The following MOB3A variants were observed in gnomAD, a reference collection of about 807,000 sequenced individuals.
MOB3A encodes the protein MOB LAK.
A neutral mutation model predicts 17.8 loss-of-function variants in MOB3A; 17 were observed. The ratio of observed to expected loss-of-function variants is 0.95; its 90% CI spans 0.65 to 1.43. The LOEUF (loss-of-function observed/expected upper bound fraction) is 1.43, where lower values mean the gene tolerates loss of function less well. MOB3A is among the 40% of genes most tolerant of loss of function. MOB3A has a pLI of 0.00. For missense variants in MOB3A, 333 were observed against 310.8 expected, an observed-to-expected ratio of 1.07 and a Z score of -0.54; for synonymous variants, 124 against 133.2, an observed-to-expected ratio of 0.93 and a Z score of 0.48.
rs926689336 is a variant in MOB3A, at chr19:2,082,807, C to G, written c.-120+2368G>C. ...CCCAGGGTCACCACACAGGTCCCCC[C>G]GCTTGCTTCTCTTCCATTTTTAGAG... On this transcript the variant is annotated intron_variant, in intron 2 of 4. Transcript: ENST00000357066. This position sits in a 1 kb window ranked among gnomAD's most constrained non-coding sequence, Gnocchi z 4.1. 1.3e-5 allele frequency among the ~76,000 whole-genome samples: 2 copies of G among 152,072 alleles called. No homozygotes were observed. The highest frequency in any genetic ancestry group is 2.9e-5 in the Non-Finnish European group (2 of 68,018).
intron 2 of MOB3A, among the ~76,000 whole-genome samples, chr19:2,080,693 G>A (rs777134160): frequency 1.3e-5 from 2 of 152,100 alleles, no homozygotes; most frequent in Non-Finnish European, 2.9e-5. Context: ...TGTTGCTTGT[G>A]ACGAAGTCCT....
chr19:2,086,401 C>T (rs1487833488), intron 1 of MOB3A, among the ~76,000 whole-genome samples: 1 of 151,976 alleles, frequency 6.6e-6, no homozygotes, highest in Non-Finnish European at 1.5e-5. Context: ...TGCTCTGTCA[C>T]CCAGGCTGGA....
chr19:2,079,486 G>A (rs1461747851), intron 2 of MOB3A, among the ~76,000 whole-genome samples: 4 of 152,236 alleles, frequency 2.6e-5, no homozygotes, highest in African/African-American at 4.8e-5. Flanking sequence ...GGAGACGGCT[G>A]TGCGAGGATG....
Position 2,085,193 on chromosome 19 carries a change from C to T in MOB3A, c.-138G>A, listed in dbSNP as rs915877307. The T allele has an allele frequency of 1.3e-5, 2 of 152,062 alleles. No homozygotes were observed. The highest frequency in any genetic ancestry group is 1.9e-4 in the East Asian group (1 of 5,182). The allele number at this position is 152,062 out of a possible 1,614,324, so 9.4% of individuals were successfully genotyped here. A position where few individuals can be genotyped will look rare whatever the true frequency, so the allele number is the denominator to read the frequency against. The stretch of plus-strand genomic sequence containing the variant: ...AGGTTACCGTGTCTGGGGCTCCCTC[C>T]GCTCTGCTCTTCTCGGATTCCTCCA... On this transcript the variant is annotated 5_prime_UTR_variant, in exon 2 of 5. Transcript: ENST00000357066.
At position 2,078,165 on chromosome 19, in the gene MOB3A, G is replaced by A. The variant is rs775283230; in HGVS notation, c.396C>T (p.Asn132=). The change falls in exon 3 of 5, where the codon AAC becomes AAT. Residue 132 remains asparagine (N), a synonymous_variant. Coordinates refer to ENST00000357066, the MANE Select transcript of MOB3A (RefSeq NM_130807.3). The part of the protein sequence containing the change: ...LMDWIEAQIN[N]EDLFPTNVGT... ...CAACGTTGGTGGGGAAGAGGTCCTC[G>A]TTGTTGATCTGCGCCTCGATCCAGT... 1.1e-5 allele frequency: 18 copies of A among 1,585,542 alleles called. No homozygotes were observed. The highest frequency in any genetic ancestry group is 2.3e-5 in the East Asian group (1 of 44,330).
At chr19:2,079,590 C>T (rs78853306) in intron 2 of MOB3A, among the ~76,000 whole-genome samples, 1,659 of 152,294 alleles carry the variant, frequency 0.011, 27 homozygotes, top group African/African-American at 0.038. Context: ...AGATGCCCCT[C>T]GGCCTCAGAG....
At chr19:2,075,579 C>T (rs560850360) in intron 4 of MOB3A, among the ~76,000 whole-genome samples, 2 of 152,294 alleles carry the variant, frequency 1.3e-5, no homozygotes, top group South Asian at 4.1e-4. Flanking sequence ...CGCCCAGCAG[C>T]CTGGGGAACA....
At chr19:2,081,229 T>C (rs1441146207) in intron 2 of MOB3A, among the ~76,000 whole-genome samples, 3 of 152,012 alleles carry the variant, frequency 2.0e-5, no homozygotes, top group African/African-American at 7.2e-5. Flanking sequence ...CAGAGAATGA[T>C]CTGGACCCAA....
At chr19:2,075,199 T>G (rs912410299) in intron 4 of MOB3A, among the ~76,000 whole-genome samples, 4 of 152,192 alleles carry the variant, frequency 2.6e-5, no homozygotes, top group Admixed American at 2.6e-4. Context: ...TGGCTCATTT[T>G]TTTCATTTTT....
At position 2,073,384 on chromosome 19, in the gene MOB3A, C is replaced by T; in HGVS notation, c.*11G>A. On this transcript the variant is annotated 3_prime_UTR_variant, in exon 5 of 5. Coordinates refer to ENST00000357066, the MANE Select transcript of MOB3A (RefSeq NM_130807.3). ...AGCGGCGGTTCGGGCACCGGGAGAC[C>T]CGCGGGGCTCTCAGTGGCACATCCG... is the stretch of plus-strand genomic sequence containing the variant. 3 of 1,613,342 alleles carry T rather than the reference C, an allele frequency of 1.9e-6. No homozygotes were observed. Among genetic ancestry groups the T allele is most frequent in the Non-Finnish European group, 2.5e-6 (3 of 1,179,942 alleles).
chr19:2,087,474 G>A (rs959623651), intron 1 of MOB3A, among the ~76,000 whole-genome samples: 2 of 152,184 alleles, frequency 1.3e-5, no homozygotes, highest in African/African-American at 4.8e-5. Flanking sequence ...GCAACATAGT[G>A]AGACCCATCT....
chr19:2,095,718 G>T (rs746375106), intron 1 of MOB3A, among the ~76,000 whole-genome samples: 1 of 151,104 alleles, frequency 6.6e-6, no homozygotes, highest in Non-Finnish European at 1.5e-5. Context: ...CTTCCCTGCC[G>T]CCTGAGTTCG....
intron 2 of MOB3A, among the ~76,000 whole-genome samples, chr19:2,080,276 G>A (rs577804106): frequency 3.3e-5 from 5 of 152,270 alleles, no homozygotes; most frequent in African/African-American, 1.2e-4. Context: ...AGTCAGAGAG[G>A]GGAGAGGGAG....
chr19:2,074,242 G>T (rs987406256), intron 4 of MOB3A, among the ~76,000 whole-genome samples: 3 of 151,508 alleles, frequency 2.0e-5, no homozygotes, highest in African/African-American at 7.3e-5. Context: ...TGCAGTGGCT[G>T]AGATCAAACA....
intron 4 of MOB3A, among the ~76,000 whole-genome samples, chr19:2,074,991 A>G (rs1277546612): frequency 1.5e-4 from 22 of 150,754 alleles, no homozygotes; most frequent in Non-Finnish European, 3.0e-5. Context: ...TGCTGGGATT[A>G]CAGGCGTGAG....
At position 2,093,122 on chromosome 19, in the gene MOB3A, T is replaced by A. The variant is rs188711228; in HGVS notation, c.-274+3104A>T. Among the ~76,000 whole-genome samples the A allele has an allele frequency of 6.6e-6, 1 of 151,766 alleles. No homozygotes were observed. Among genetic ancestry groups the A allele is most frequent in the Admixed American group, 6.6e-5 (1 of 15,266 alleles). ...GGGAATTTTTCTGAAACCTCCACCATCAGGTCCCTAAGGTGGGAGGATACC... is the reference window on the plus strand; with the variant it reads ...GGGAATTTTTCTGAAACCTCCACCAACAGGTCCCTAAGGTGGGAGGATACC... On this transcript the variant is annotated intron_variant, in intron 1 of 4. Coordinates refer to ENST00000357066, the MANE Select transcript of MOB3A (RefSeq NM_130807.3). The surrounding 1 kb of genome is among the most constrained non-coding windows in gnomAD (Gnocchi z 4.6).
intron 4 of MOB3A, 134 bp from the exon 5 acceptor site, chr19:2,073,558 C>A (rs2017367064): frequency 1.7e-6 from 2 of 1,168,516 alleles, no homozygotes; most frequent in Admixed American, 1.8e-5. Flanking sequence ...ACAACAAAAA[C>A]CACACAGGCA....
chr19:2,091,534 C>T (rs1158468960), intron 1 of MOB3A, among the ~76,000 whole-genome samples: 1 of 151,734 alleles, frequency 6.6e-6, no homozygotes, highest in Non-Finnish European at 1.5e-5. Flanking sequence ...CAGGCGCCCG[C>T]CACTACGCCC....
intron 3 of MOB3A, 147 bp downstream of exon 3, chr19:2,077,993 C>T: frequency 3.7e-6 from 3 of 806,846 alleles, no homozygotes; most frequent in Non-Finnish European, 5.5e-6. Flanking sequence ...CTATGTTGCC[C>T]AGGCTGAGCT....
Sources: allele counts gnomAD v4.1 joint callset (sites outside exome capture counted in the v4.1 genomes callset), GRCh38; gene constraint gnomAD v4.1.1; non-coding constraint Gnocchi (gnomAD v3.1); transcripts MANE v1.5; gene names NCBI Gene and HGNC (gene_info 2026-07-23, HGNC 2026-07-21).